EPHA10: variants seen among roughly 807,000 people sequenced by gnomAD.
EPHA10 encodes EPH receptor A10, also known as ephrin type-A receptor 10.
Under a neutral mutation model 109.7 loss-of-function variants are expected in EPHA10, and 120 were observed. The ratio of observed to expected loss-of-function variants is 1.09; its 90% CI spans 0.94 to 1.27. The LOEUF (loss-of-function observed/expected upper bound fraction) is 1.27, where lower values mean the gene tolerates loss of function less well. Ranked by LOEUF, EPHA10 falls within the 50% of genes most tolerant of loss-of-function variation. The pLI is 0.00. For synonymous variants in EPHA10, 640 were observed against 618.9 expected, an observed-to-expected ratio of 1.03 and a Z score of -0.51; for missense variants, 1,396 against 1,411.1, an observed-to-expected ratio of 0.99 and a Z score of 0.17.
intron 5 of EPHA10, among the ~76,000 whole-genome samples, chr1:37,752,642 G>C (rs1436759047): frequency 6.6e-6 from 1 of 152,150 alleles, no homozygotes; most frequent in African/African-American, 2.4e-5. Flanking sequence ...CTCTGGCCCA[G>C]TAGTAAGGGG....
At chr1:37,757,054 C>G (rs1197663360) in intron 3 of EPHA10, among the ~76,000 whole-genome samples, 1 of 152,106 alleles carries the variant, frequency 6.6e-6, no homozygotes, top group Non-Finnish European at 1.5e-5. Context: ...TCTTGAACTC[C>G]TGGCTCAAGC....
At chr1:37,742,414 G>T (rs150927624) in intron 5 of EPHA10, among the ~76,000 whole-genome samples, 2 of 152,246 alleles carry the variant, frequency 1.3e-5, no homozygotes, top group Admixed American at 6.5e-5. Context: ...GCCAACAAAA[G>T]AAGTTAGCTG....
chr1:37,723,386 C>G lies in EPHA10; in HGVS notation c.1773-14G>C, dbSNP rs780001753. 1.9e-6 allele frequency: 3 copies of G among 1,613,678 alleles called. No individual in the cohort carries two copies. The East Asian group carries it at 6.7e-5, about 36-fold the overall frequency. ...TAGCTGCAGGGCCTGGCAGGGAGTT[C>G]AGGGTCATTCTTTCAGCCAGGCCAC... On this transcript the variant is annotated splice_polypyrimidine_tract_variant and intron_variant, in intron 8 of 16. Transcript: ENST00000373048.
At chr1:37,750,086 A>G (rs1646299963) in intron 5 of EPHA10, among the ~76,000 whole-genome samples, 1 of 152,232 alleles carries the variant, frequency 6.6e-6, no homozygotes, top group Admixed American at 6.5e-5. Context: ...ACAGAGATCA[A>G]GATAGACAGG....
At chr1:37,733,883 C>T (rs1272993601) in intron 6 of EPHA10, among the ~76,000 whole-genome samples, 1 of 152,140 alleles carries the variant, frequency 6.6e-6, no homozygotes. Context: ...CTGGGTGTCC[C>T]AGAGGCCCCC....
In EPHA10 at chr1:37,764,196, G is replaced by A. The variant is rs1352107055; in HGVS notation, c.106+765C>T. ...AGCGACTGTGGGCAGGACCGCCGAC[G>A]GCTTTCCGAGATCCGCGCAACTGAC... On this transcript the variant is annotated intron_variant, in intron 1 of 16. Transcript: ENST00000373048. This position sits in a 1 kb window ranked among gnomAD's most constrained non-coding sequence, Gnocchi z 5.8. Among the ~76,000 whole-genome samples, 2 of 152,126 alleles carry A rather than the reference G, an allele frequency of 1.3e-5. No individual in the cohort carries two copies. The highest frequency in any genetic ancestry group is 2.9e-5 in the Non-Finnish European group (2 of 68,008).
At chr1:37,726,344 G>C (rs1446256658) in intron 8 of EPHA10, among the ~76,000 whole-genome samples, 2 of 152,206 alleles carry the variant, frequency 1.3e-5, no homozygotes, top group Non-Finnish European at 2.9e-5. Flanking sequence ...GTCACTTTCA[G>C]TGCCTCATTC....
chr1:37,741,192 G>A (rs1478597080), intron 5 of EPHA10, among the ~76,000 whole-genome samples: 2 of 152,246 alleles, frequency 1.3e-5, no homozygotes, highest in Admixed American at 6.5e-5. Context: ...ATTTTATGAA[G>A]TAATGTGTTA....
chr1:37,750,546 C>T (rs1646306849), intron 5 of EPHA10, among the ~76,000 whole-genome samples: 1 of 150,888 alleles, frequency 6.6e-6, no homozygotes, highest in Non-Finnish European at 1.5e-5. Context: ...TTTGAGCTAT[C>T]AGAAGTTCTA....
chr1:37,744,513 A>C (rs574846629), intron 5 of EPHA10, among the ~76,000 whole-genome samples: 1 of 151,330 alleles, frequency 6.6e-6, no homozygotes, highest in African/African-American at 2.4e-5. Context: ...AAAAAAAAAT[A>C]GCTGGATGTG....
rs749548922 is a variant in EPHA10, at chr1:37,720,505, C to G, written c.2258G>C (p.Gly753Ala). 6.2e-7 allele frequency: 1 copy of G among 1,613,022 alleles called. No individual in the cohort carries two copies. ...CAGATACTTCATGGCTGATGCCAGC[C>G]CAGGCAGCAACCCCATCAGTTGCCC... ...VAGQLMGLLP[G>A]LASAMKYLSE... Residue 753 changes from glycine (G) to alanine (A), a missense_variant, in exon 13 of 17, where the codon GGG becomes GCG. Transcript: ENST00000373048.
chr1:37,746,890 C>T (rs1348874531), intron 5 of EPHA10, among the ~76,000 whole-genome samples: 1 of 152,090 alleles, frequency 6.6e-6, no homozygotes, highest in Non-Finnish European at 1.5e-5. Context: ...TGTATAATTC[C>T]ATGTATTGAG....
At position 37,764,511 on chromosome 1, in the gene EPHA10, C is replaced by T. The variant is rs1448187207; in HGVS notation, c.106+450G>A. Among the ~76,000 whole-genome samples the T allele has an allele frequency of 1.3e-5, 2 of 152,224 alleles. No individual in the cohort carries two copies. Among genetic ancestry groups the T allele is most frequent in the East Asian group, 3.9e-4 (2 of 5,182 alleles). On this transcript the variant is annotated intron_variant, in intron 1 of 16. Transcript: ENST00000373048. This position sits in a 1 kb window ranked among gnomAD's most constrained non-coding sequence, Gnocchi z 5.8. Reference sequence around the variant, plus strand: ...CACGTCGGGCAGCGCCCGGATCCAGCCCCCTCGACCAGCATTCCACCTTCT... The same window carrying T: ...CACGTCGGGCAGCGCCCGGATCCAGTCCCCTCGACCAGCATTCCACCTTCT...
intron 5 of EPHA10, among the ~76,000 whole-genome samples, chr1:37,751,689 T>C (rs974418917): frequency 6.6e-6 from 1 of 150,496 alleles, no homozygotes; most frequent in African/African-American, 2.4e-5. Context: ...CTGGCCAACA[T>C]GGTGAAACCC....
chr1:37,718,867 A>G (rs1222375235), intron 15 of EPHA10, 51 bp from the exon 16 acceptor site: 2 of 1,553,374 alleles, frequency 1.3e-6, no homozygotes, highest in Admixed American at 3.8e-5. Flanking sequence ...CTGGGCCCAC[A>G]CCTGGTGGTC....
intron 5 of EPHA10, among the ~76,000 whole-genome samples, chr1:37,742,258 C>T (rs142492424): frequency 1.3e-5 from 2 of 152,342 alleles, no homozygotes; most frequent in African/African-American, 4.8e-5. Context: ...GTCCCCCTTT[C>T]CTGCTAGCTG....
chr1:37,724,987 G>C (rs1004434862), intron 8 of EPHA10, among the ~76,000 whole-genome samples: 1 of 152,332 alleles, frequency 6.6e-6, no homozygotes. Context: ...GATGGCAAAA[G>C]GGTGGGGTTC....
intron 7 of EPHA10, among the ~76,000 whole-genome samples, chr1:37,728,652 G>A (rs538607789): frequency 6.6e-6 from 1 of 152,274 alleles, no homozygotes; most frequent in Admixed American, 6.5e-5. Context: ...GGATAGAGAT[G>A]GGTGTGGGGC....
intron 5 of EPHA10, among the ~76,000 whole-genome samples, chr1:37,748,258 C>T (rs1352296060): frequency 6.6e-6 from 1 of 152,050 alleles, no homozygotes; most frequent in Non-Finnish European, 1.5e-5. Context: ...ACTTGGGAGG[C>T]TGAGGCAGCA....
Sources: gnomAD v4.1 joint callset for allele counts (sites outside exome capture counted in the v4.1 genomes callset) on GRCh38, gnomAD v4.1.1 for gene constraint, Gnocchi (gnomAD v3.1) non-coding constraint, MANE v1.5 for transcripts, NCBI Gene and HGNC (gene_info 2026-07-23, HGNC 2026-07-21) for gene names.